The following TNR variants were observed in gnomAD, a reference collection of about 807,000 sequenced individuals.
TNR encodes the protein tenascin R.
A neutral mutation model predicts 150.4 loss-of-function variants in TNR; 45 were observed. The ratio of observed to expected loss-of-function variants is 0.30; its 90% CI spans 0.24 to 0.38. The LOEUF (loss-of-function observed/expected upper bound fraction) is 0.38, where lower values mean the gene tolerates loss of function less well. TNR is among the 10% of genes least tolerant of loss of function. TNR has a pLI of 1.00. For synonymous variants in TNR, 687 were observed against 678.4 expected (o/e 1.01, Z -0.20); for missense variants, 1,544 against 1,759.1 (o/e 0.88, Z 2.19).
At chr1:175,617,427 G>A (rs928837993) in intron 1 of TNR, among the ~76,000 whole-genome samples, 3 of 152,208 alleles carry the variant, frequency 2.0e-5, no homozygotes, top group African/African-American at 7.2e-5. Flanking sequence ...TGGGAGCTAA[G>A]GTCGGCACTG....
rs2102034934 is a variant in TNR, at chr1:175,391,391, G to T, written c.1404C>A (p.Ser468=). 1 of 1,614,216 alleles carries T rather than the reference G, an allele frequency of 6.2e-7. No individual in the cohort carries two copies. The highest frequency in any genetic ancestry group is 2.2e-5 in the East Asian group (1 of 44,880). The change falls in exon 7 of 23, where the codon TCC becomes TCA. Residue 468 remains serine, a synonymous_variant. Coordinates refer to ENST00000367674, the MANE Select transcript of TNR (RefSeq NM_003285.3). ...CAGGCTTTAGTCCTGTCTGGTTAAAGGACGTAACATCGCTGGGGACCTGAG... is the reference window on the plus strand; with the variant it reads ...CAGGCTTTAGTCCTGTCTGGTTAAATGACGTAACATCGCTGGGGACCTGAG... ...VIAQVPSDVT[S]FNQTGLKPGE...
chr1:175,401,435 A>G (rs572222959), intron 4 of TNR, among the ~76,000 whole-genome samples: 1 of 152,182 alleles, frequency 6.6e-6, no homozygotes, highest in Non-Finnish European at 1.5e-5. Context: ...GTGCCTAGTG[A>G]CTTTGGATTC....
At chr1:175,704,118 A>G (rs1666776338) in intron 1 of TNR, among the ~76,000 whole-genome samples, 1 of 152,206 alleles carries the variant, frequency 6.6e-6, no homozygotes, top group Non-Finnish European at 1.5e-5. Context: ...AAGTTCTGGA[A>G]ATGGATAGTG....
rs541379363 is a variant in TNR, at chr1:175,427,288, C to T, written c.-63-20511G>A. Among the ~76,000 whole-genome samples the T allele has an allele frequency of 1.5e-4, 23 of 151,740 alleles. No homozygotes were observed. In the South Asian group the frequency reaches 3.8e-3, roughly 25 times the overall value. On this transcript the variant is annotated intron_variant, in intron 2 of 22. Transcript: ENST00000367674. ...TGAGCCATGTATGTAATTTTAAATT[C>T]TCTAGTAGCCACACTAAAGAGGTAA...
At chr1:175,674,408 A>G (rs1665800082) in intron 1 of TNR, among the ~76,000 whole-genome samples, 1 of 152,136 alleles carries the variant, frequency 6.6e-6, no homozygotes, top group African/African-American at 2.4e-5. Flanking sequence ...ATCAAAGTCC[A>G]TTCTTTATAT....
intron 1 of TNR, among the ~76,000 whole-genome samples, chr1:175,631,328 C>T (rs1664319385): frequency 6.6e-6 from 1 of 152,186 alleles, no homozygotes; most frequent in Non-Finnish European, 1.5e-5. Context: ...TACATCCTTA[C>T]AATGGAATGT....
At position 175,318,385 on chromosome 1, in the gene TNR, A is replaced by T. The variant is rs1241878526; in HGVS notation, c.*4972T>A. ...TTTCTCAAGGCTTGATGAATGTAGAACTGGCATAAACAAATCCAGAGTGGA... is the reference window on the plus strand; with the variant it reads ...TTTCTCAAGGCTTGATGAATGTAGATCTGGCATAAACAAATCCAGAGTGGA... On this transcript the variant is annotated 3_prime_UTR_variant, in exon 23 of 23. Coordinates refer to ENST00000367674, the MANE Select transcript of TNR (RefSeq NM_003285.3). 2 of 152,220 alleles carry T rather than the reference A, an allele frequency of 1.3e-5. No individual in the cohort carries two copies. Among genetic ancestry groups the T allele is most frequent in the Non-Finnish European group, 2.9e-5 (2 of 68,044 alleles). The allele number at this position is 152,220 out of a possible 1,614,324, so 9.4% of individuals were successfully genotyped here.
chr1:175,618,291 T>C (rs1190627586), intron 1 of TNR, among the ~76,000 whole-genome samples: 1 of 152,218 alleles, frequency 6.6e-6, no homozygotes, highest in East Asian at 1.9e-4. Flanking sequence ...TAAGGAGTAA[T>C]GGCATGTGAT....
At chr1:175,598,529 G>A (rs141247623) in intron 1 of TNR, among the ~76,000 whole-genome samples, 1 of 152,308 alleles carries the variant, frequency 6.6e-6, no homozygotes, top group African/African-American at 2.4e-5. Context: ...CCTTGGACGT[G>A]GGCATGAATA....
chr1:175,669,673 A>G (rs1665637942), intron 1 of TNR, among the ~76,000 whole-genome samples: 2 of 152,210 alleles, frequency 1.3e-5, no homozygotes, highest in Admixed American at 6.5e-5. Context: ...CAGAGGGTGC[A>G]GTCTGTGTGG....
At chr1:175,656,000 G>T (rs964846307) in intron 1 of TNR, among the ~76,000 whole-genome samples, 9 of 151,874 alleles carry the variant, frequency 5.9e-5, no homozygotes. Context: ...ATCCAGCCAG[G>T]GCTCTGTTCA....
At chr1:175,335,542 C>T (rs1650195792) in intron 20 of TNR, 169 bp downstream of exon 20, 1 of 618,828 alleles carries the variant, frequency 1.6e-6, no homozygotes, top group Non-Finnish European at 2.8e-6. Flanking sequence ...AAGATAAAAA[C>T]AGATCAATAG....
chr1:175,494,221 A>G (rs2102142526), intron 2 of TNR, among the ~76,000 whole-genome samples: 1 of 151,926 alleles, frequency 6.6e-6, no homozygotes, highest in South Asian at 2.1e-4. Flanking sequence ...CTGCAGTTCT[A>G]TGGGCACAGG....
chr1:175,665,010 T>G (rs982793345), intron 1 of TNR, among the ~76,000 whole-genome samples: 1 of 152,224 alleles, frequency 6.6e-6, no homozygotes, highest in South Asian at 2.1e-4. Context: ...AGGGTGAATC[T>G]AACTTCCTAC....
intron 2 of TNR, among the ~76,000 whole-genome samples, chr1:175,481,441 C>G (rs1304848516): frequency 6.6e-6 from 1 of 152,106 alleles, no homozygotes; most frequent in Non-Finnish European, 1.5e-5. Flanking sequence ...TGCTCCCTTC[C>G]ATCAGTAAGA....
At chr1:175,329,762 T>A (rs1189754998) in intron 21 of TNR, among the ~76,000 whole-genome samples, 1 of 152,252 alleles carries the variant, frequency 6.6e-6, no homozygotes, top group Non-Finnish European at 1.5e-5. Context: ...ATTGCATCTT[T>A]TTTAAACCTT....
intron 1 of TNR, among the ~76,000 whole-genome samples, chr1:175,662,634 A>G (rs769801657): frequency 1.3e-5 from 2 of 152,202 alleles, no homozygotes; most frequent in Admixed American, 1.3e-4. Flanking sequence ...TCTTCTTTCT[A>G]TCACTGTGAT....
chr1:175,737,127 G>A (rs1667793925), intron 1 of TNR, among the ~76,000 whole-genome samples: 1 of 152,206 alleles, frequency 6.6e-6, no homozygotes, highest in Admixed American at 6.5e-5. Flanking sequence ...CCACCTACTA[G>A]CTGTGTGGCC....
At chr1:175,589,122 G>A (rs1166477379) in intron 1 of TNR, among the ~76,000 whole-genome samples, 1 of 152,106 alleles carries the variant, frequency 6.6e-6, no homozygotes, top group Non-Finnish European at 1.5e-5. Flanking sequence ...AACTAGGATT[G>A]AGGAGGGGAA....
Sources: gnomAD v4.1 joint callset for allele counts (sites outside exome capture counted in the v4.1 genomes callset) on GRCh38, gnomAD v4.1.1 for gene constraint, MANE v1.5 for transcripts, NCBI Gene and HGNC (gene_info 2026-07-23, HGNC 2026-07-21) for gene names.